The following RHBDL2 variants were observed in gnomAD, a reference collection of about 807,000 sequenced individuals.
The protein encoded by RHBDL2 is rhomboid-related protein 2.
RHBDL2 carries 26 observed loss-of-function variants against 31.7 expected under a neutral mutation model. The observed-to-expected ratio is 0.82, with a 90% CI of 0.60 to 1.14. The LOEUF (loss-of-function observed/expected upper bound fraction) is 1.14. Among genes scored for constraint, RHBDL2 ranks in the 50% most tolerant of loss-of-function variants. The pLI is 0.00. For synonymous variants in RHBDL2, 123 were observed against 127.2 expected (o/e 0.97, Z 0.22); for missense variants, 336 against 364.4 (o/e 0.92, Z 0.63).
intron 1 of RHBDL2, among the ~76,000 whole-genome samples, chr1:38,932,621 A>T (rs928982020): frequency 6.6e-6 from 1 of 152,072 alleles, no homozygotes; most frequent in African/African-American, 2.4e-5. Context: ...CACCATGCCC[A>T]ACTAATTTTC....
chr1:38,892,774 T>C (rs1374170275), intron 6 of RHBDL2, among the ~76,000 whole-genome samples: 1 of 152,304 alleles, frequency 6.6e-6, no homozygotes, highest in Non-Finnish European at 1.5e-5. Context: ...GCTCCAACAA[T>C]TGAATTCTCC....
chr1:38,913,809 G>A (rs1307507815), intron 3 of RHBDL2, among the ~76,000 whole-genome samples: 1 of 152,150 alleles, frequency 6.6e-6, no homozygotes, highest in East Asian at 1.9e-4. Context: ...GTTCATGAAA[G>A]GCCATCGGCA....
intron 1 of RHBDL2, among the ~76,000 whole-genome samples, chr1:38,921,110 A>C (rs1283301823): frequency 2.0e-5 from 3 of 152,202 alleles, no homozygotes; most frequent in Admixed American, 2.0e-4. Flanking sequence ...CATGTAAAGC[A>C]CTTAAAACAG....
chr1:38,919,440 T>C, intron 1 of RHBDL2, 103 bp from the exon 2 acceptor site: 1 of 1,143,094 alleles, frequency 8.7e-7, no homozygotes, highest in East Asian at 2.8e-5. Flanking sequence ...AAGAGCCAGA[T>C]GACTGAGATT....
chr1:38,918,357 G>A (rs1005741566), intron 2 of RHBDL2, among the ~76,000 whole-genome samples: 2 of 152,070 alleles, frequency 1.3e-5, no homozygotes, highest in African/African-American at 2.4e-5. Flanking sequence ...AAGTGTGGGG[G>A]AAAAAACTAG....
intron 1 of RHBDL2, among the ~76,000 whole-genome samples, chr1:38,927,944 G>A (rs1461194480): frequency 2.6e-5 from 4 of 151,966 alleles, no homozygotes; most frequent in South Asian, 2.1e-4. Flanking sequence ...AGTCTCGGGC[G>A]CCTGACTCCA....
intron 1 of RHBDL2, among the ~76,000 whole-genome samples, chr1:38,922,077 C>T (rs1643322906): frequency 6.6e-6 from 1 of 152,164 alleles, no homozygotes; most frequent in Non-Finnish European, 1.5e-5. Flanking sequence ...AACTTCAAGA[C>T]CACCATTTTA....
intron 6 of RHBDL2, 28 bp downstream of exon 6, chr1:38,893,136 G>A (rs781523776): frequency 1.6e-5 from 21 of 1,296,438 alleles, no homozygotes; most frequent in Non-Finnish European, 2.3e-5. Context: ...CACTTGGACA[G>A]TATGAAGTAT....
intron 1 of RHBDL2, among the ~76,000 whole-genome samples, chr1:38,938,544 C>T (rs1379858939): frequency 6.6e-6 from 1 of 152,180 alleles, no homozygotes; most frequent in Non-Finnish European, 1.5e-5. Context: ...TCCTCCCACA[C>T]TCCCCATTTG....
intron 1 of RHBDL2, among the ~76,000 whole-genome samples, chr1:38,932,538 T>C (rs1643449218): frequency 6.6e-6 from 1 of 152,146 alleles, no homozygotes; most frequent in African/African-American, 2.4e-5. Context: ...CAGCTCACTG[T>C]AAGCTCCACC....
intron 1 of RHBDL2, chr1:38,926,544 A>C (rs2124347847): frequency 6.6e-6 from 1 of 152,486 alleles, no homozygotes; most frequent in African/African-American, 2.4e-5. Flanking sequence ...GCAATAAAAA[A>C]ACCTGACTCG....
chr1:38,924,983 G>C (rs1337067076), intron 1 of RHBDL2, among the ~76,000 whole-genome samples: 1 of 151,516 alleles, frequency 6.6e-6, no homozygotes, highest in Non-Finnish European at 1.5e-5. Context: ...GTTTCACCAT[G>C]TTGGTCAGGC....
intron 4 of RHBDL2, among the ~76,000 whole-genome samples, chr1:38,909,587 C>A (rs900216952): frequency 3.9e-5 from 6 of 151,982 alleles, no homozygotes; most frequent in Middle Eastern, 3.4e-3. Flanking sequence ...ACTAAAAATA[C>A]AAAAATTAGC....
At chr1:38,934,728 C>T (rs1034108068) in intron 1 of RHBDL2, among the ~76,000 whole-genome samples, 18 of 149,310 alleles carry the variant, frequency 1.2e-4, no homozygotes, top group Middle Eastern at 3.5e-3. Context: ...GGGGCCGAGG[C>T]GGGCAGATCA....
At chr1:38,900,391 G>C (rs919401300) in intron 4 of RHBDL2, among the ~76,000 whole-genome samples, 1 of 152,046 alleles carries the variant, frequency 6.6e-6, no homozygotes, top group Non-Finnish European at 1.5e-5. Flanking sequence ...GGACGACAAG[G>C]CAGGTGGATC....
intron 1 of RHBDL2, among the ~76,000 whole-genome samples, chr1:38,920,420 G>A (rs553888862): frequency 4.6e-5 from 7 of 151,744 alleles, no homozygotes; most frequent in East Asian, 1.9e-4. Context: ...CACCTGCCTC[G>A]GCCTCCCAAA....
At chr1:38,907,628 GAGCCCA>G (rs1643085434) in intron 4 of RHBDL2, among the ~76,000 whole-genome samples, 1 of 152,196 alleles carries the variant, frequency 6.6e-6, no homozygotes, top group South Asian at 2.1e-4. Flanking sequence ...AACATTTTAG[GAGCCCA>G]AGGCCGGAGG....
chr1:38,904,806 C>A (rs55954235), intron 4 of RHBDL2, among the ~76,000 whole-genome samples: 18,415 of 144,162 alleles, frequency 0.13, 1,429 homozygotes, highest in Non-Finnish European at 0.18. Flanking sequence ...CCGAGGCGGG[C>A]GGATCACGAG....
intron 1 of RHBDL2, among the ~76,000 whole-genome samples, chr1:38,934,920 T>C (rs2124355926): frequency 6.6e-6 from 1 of 150,826 alleles, no homozygotes; most frequent in African/African-American, 2.4e-5. Context: ...ATCATGCCAC[T>C]GCACTCCAGC....
Sources: gnomAD v4.1 joint callset for allele counts (sites outside exome capture counted in the v4.1 genomes callset) on GRCh38, gnomAD v4.1.1 for gene constraint, MANE v1.5 for transcripts, NCBI Gene and HGNC (gene_info 2026-07-23, HGNC 2026-07-21) for gene names.